HSPBAP1: variants seen among roughly 807,000 people sequenced by gnomAD.
HSPBAP1 encodes HSPB1 associated protein 1.
In HSPBAP1, 27 loss-of-function variants were observed where a neutral mutation model predicts 45.2. The observed-to-expected ratio is 0.60, with a 90% confidence interval of 0.44 to 0.82. HSPBAP1 has a LOEUF of 0.82. HSPBAP1 is among the 40% of genes least tolerant of loss of function. HSPBAP1 has a pLI of 0.00. For synonymous variants in HSPBAP1, 204 were observed against 202.7 expected (o/e 1.01, Z -0.06); for missense variants, 510 against 590.9 (o/e 0.86, Z 1.42).
chr3:122,768,572 G>C (rs1326628658), intron 3 of HSPBAP1, 129 bp downstream of exon 3: 3 of 648,252 alleles, frequency 4.6e-6, no homozygotes, highest in Non-Finnish European at 8.0e-6. Context: ...TTGAGTGGGT[G>C]AAATATCCAA....
In HSPBAP1 at chr3:122,793,643, A is replaced by G. The variant is rs756349603; in HGVS notation, c.38T>C (p.Val13Ala). The G allele has an allele frequency of 6.2e-7, 1 of 1,613,974 alleles. No individual in the cohort carries two copies. Among genetic ancestry groups the G allele is most frequent in the East Asian group, 2.2e-5 (1 of 44,890 alleles). Residue 13 changes from valine (V) to alanine (A), a missense_variant, in exon 1 of 8, where the codon GTT becomes GCT. Coordinates refer to ENST00000306103, the MANE Select transcript of HSPBAP1 (RefSeq NM_024610.6). ...TTCCTCCCCTCCAGCCCCAGCCGCAACGATCACAGGAGTGGTCGCCTCGGA... is the reference window on the plus strand; with the variant it reads ...TTCCTCCCCTCCAGCCCCAGCCGCAGCGATCACAGGAGTGGTCGCCTCGGA... ...AGSEATTPVI[V>A]AAGAGGEEGE...
intron 3 of HSPBAP1, among the ~76,000 whole-genome samples, chr3:122,768,155 T>C (rs1345999045): frequency 6.6e-6 from 1 of 152,176 alleles, no homozygotes; most frequent in East Asian, 1.9e-4. Context: ...ACTTCCATAA[T>C]TTTACTTCTG....
At chr3:122,772,753 T>G (rs1935045372) in intron 2 of HSPBAP1, among the ~76,000 whole-genome samples, 1 of 152,158 alleles carries the variant, frequency 6.6e-6, no homozygotes, top group African/African-American at 2.4e-5. Context: ...TAAAGCATTA[T>G]TTGATTATAT....
At chr3:122,743,576 A>C (rs560397396) in intron 6 of HSPBAP1, among the ~76,000 whole-genome samples, 56 of 152,222 alleles carry the variant, frequency 3.7e-4, no homozygotes, top group Admixed American at 8.5e-4. Context: ...CAAACAACAA[A>C]AAAAAAAGTT....
chr3:122,753,338 G>A (rs1934227870), intron 5 of HSPBAP1: 4 of 702,122 alleles, frequency 5.7e-6, no homozygotes, highest in Non-Finnish European at 3.5e-6. Context: ...CTATCACAGA[G>A]GGAATAATGG....
intron 1 of HSPBAP1, among the ~76,000 whole-genome samples, chr3:122,790,242 T>C (rs1484837769): frequency 6.6e-6 from 1 of 152,204 alleles, no homozygotes; most frequent in East Asian, 1.9e-4. Context: ...CTGCAAAGAC[T>C]GAAACCCATG....
intron 3 of HSPBAP1, among the ~76,000 whole-genome samples, chr3:122,761,133 A>G (rs1230356869): frequency 6.6e-6 from 1 of 152,206 alleles, no homozygotes; most frequent in African/African-American, 2.4e-5. Context: ...CCTCAGTCTG[A>G]GGAATTTAAC....
At position 122,740,685 on chromosome 3, in the gene HSPBAP1, G is replaced by A. The variant is rs549582575; in HGVS notation, c.1127C>T (p.Thr376Ile). 6 of 1,614,002 alleles carry A rather than the reference G, an allele frequency of 3.7e-6. No homozygotes were observed. The African/African-American group carries it at 6.7e-5, about 18-fold the overall frequency. Reference sequence around the variant, plus strand: ...TGCCTCCGGTTTGTCTGTTCCTGTGGTCAAGTTCTGGCTACCTGTTTGGCC... The same window carrying A: ...TGCCTCCGGTTTGTCTGTTCCTGTGATCAAGTTCTGGCTACCTGTTTGGCC... The part of the protein sequence containing the change: ...EVGQTGSQNL[T>I]TGTDKPEAAS... Residue 376 changes from threonine (T) to isoleucine (I), a missense_variant, in exon 8 of 8, where the codon ACC becomes ATC. Thr to Ile is a moderately conservative substitution (Grantham distance 89). Transcript: ENST00000306103.
At chr3:122,793,546 C>T (rs749869721) in intron 1 of HSPBAP1, 71 bp downstream of exon 1, 19 of 1,435,718 alleles carry the variant, frequency 1.3e-5, no homozygotes, top group Non-Finnish European at 1.9e-5. Context: ...CAAACGGCCC[C>T]ACGAGGGGTG....
intron 3 of HSPBAP1, among the ~76,000 whole-genome samples, chr3:122,765,059 G>A (rs1481666859): frequency 6.6e-6 from 1 of 152,152 alleles, no homozygotes; most frequent in Non-Finnish European, 1.5e-5. Flanking sequence ...GAATAATGGC[G>A]TCTGATGGCC....
intron 6 of HSPBAP1, among the ~76,000 whole-genome samples, chr3:122,747,901 A>G (rs1933966536): frequency 6.6e-6 from 1 of 152,214 alleles, no homozygotes; most frequent in Non-Finnish European, 1.5e-5. Context: ...CTCATTGAGA[A>G]CGGGCCATGA....
chr3:122,780,036 T>C (rs1216086049), intron 1 of HSPBAP1, among the ~76,000 whole-genome samples: 7 of 151,894 alleles, frequency 4.6e-5, no homozygotes, highest in Non-Finnish European at 1.0e-4. Context: ...ACCTCCCAGA[T>C]GGGGTGGCAG....
chr3:122,772,222 GATTA>G (rs916295410), intron 2 of HSPBAP1, among the ~76,000 whole-genome samples: 3 of 152,074 alleles, frequency 2.0e-5, no homozygotes, highest in Non-Finnish European at 2.9e-5. Context: ...ATAACAATGG[GATTA>G]ATTAATTATA....
In HSPBAP1 at chr3:122,744,884, C is replaced by T. The variant is rs1427598393; in HGVS notation, c.826-3771G>A. Among the ~76,000 whole-genome samples the T allele has an allele frequency of 1.3e-5, 2 of 151,908 alleles. 1 individual carries two copies. The highest frequency in any genetic ancestry group is 2.9e-5 in the Non-Finnish European group (2 of 67,976). Reference sequence around the variant, plus strand: ...TTTACTCCAGAAATTAAGGATGAATCAATATTAGGCAATCAATTGATATAA... The same window carrying T: ...TTTACTCCAGAAATTAAGGATGAATTAATATTAGGCAATCAATTGATATAA... On this transcript the variant is annotated intron_variant, in intron 6 of 7. Transcript: ENST00000306103.
At chr3:122,763,956 C>A (rs1176361945) in intron 3 of HSPBAP1, among the ~76,000 whole-genome samples, 2 of 152,234 alleles carry the variant, frequency 1.3e-5, no homozygotes, top group Admixed American at 6.5e-5. Context: ...TCTGCTCATG[C>A]CCCCTTCAAT....
Position 122,740,384 on chromosome 3 carries a change from C to G in HSPBAP1, c.1428G>C (p.Arg476Ser). The G allele has an allele frequency of 1.9e-6, 3 of 1,613,218 alleles. No homozygotes were observed. The highest frequency in any genetic ancestry group is 2.5e-6 in the Non-Finnish European group (3 of 1,179,232). The change falls in exon 8 of 8, where the codon AGG becomes AGC. Residue 476 changes from arginine (R) to serine (S), a missense_variant. Physicochemically the swap from Arg to Ser is moderately radical, Grantham distance 110 (BLOSUM62 -1). Transcript: ENST00000306103. ...LDCLVNPQVTRIVAQLLIQGR... is the reference protein window; with the variant it reads ...LDCLVNPQVTSIVAQLLIQGR... ...CTTGTATCAAAAGTTGTGCCACTAT[C>G]CTGGTTACTTGTGGATTCACCAAGC...
chr3:122,774,708 C>T (rs80076308), intron 2 of HSPBAP1, among the ~76,000 whole-genome samples: 7,714 of 152,224 alleles, frequency 0.051, 266 homozygotes, highest in Middle Eastern at 0.11. Context: ...TGAGAGACAG[C>T]GAGCAGGGTA....
intron 2 of HSPBAP1, among the ~76,000 whole-genome samples, chr3:122,771,045 C>T (rs1279959456): frequency 1.3e-5 from 2 of 152,232 alleles, no homozygotes; most frequent in African/African-American, 4.8e-5. Context: ...CAGAAACTGG[C>T]CTCATTAGAA....
chr3:122,761,024 G>A (rs1934564059), intron 3 of HSPBAP1, among the ~76,000 whole-genome samples: 1 of 152,184 alleles, frequency 6.6e-6, no homozygotes, highest in Non-Finnish European at 1.5e-5. Context: ...CAAGTATGCA[G>A]GGAATGCTTT....
Sources: allele counts gnomAD v4.1 joint callset (sites outside exome capture counted in the v4.1 genomes callset), GRCh38; gene constraint gnomAD v4.1.1; transcripts MANE v1.5; gene names NCBI Gene and HGNC (gene_info 2026-07-23, HGNC 2026-07-21).